The following ADAMTS12 variants were observed in gnomAD, a reference collection of about 807,000 sequenced individuals.
The protein encoded by ADAMTS12 is ADAM metallopeptidase with thrombospondin type 1 motif 12.
A neutral mutation model predicts 167.8 loss-of-function variants in ADAMTS12; 118 were observed. The observed-to-expected ratio is 0.70, with a 90% confidence interval of 0.61 to 0.82. The LOEUF (loss-of-function observed/expected upper bound fraction) is 0.82, where lower values mean the gene tolerates loss of function less well. Ranked by LOEUF, ADAMTS12 falls within the 40% of genes least tolerant of loss-of-function variation. The pLI is 0.00. For missense variants in ADAMTS12, 1,916 were observed against 1,998.8 expected (o/e 0.96, Z 0.79); for synonymous variants, 704 against 716.9 (o/e 0.98, Z 0.29).
At chr5:33,540,003 C>T (rs1054144652) in intron 22 of ADAMTS12, among the ~76,000 whole-genome samples, 25 of 152,214 alleles carry the variant, frequency 1.6e-4, no homozygotes, top group African/African-American at 3.1e-4. Context: ...CAGGGCGGGG[C>T]GTCGCTTCAC....
At chr5:33,708,681 C>G (rs1233507957) in intron 3 of ADAMTS12, among the ~76,000 whole-genome samples, 2 of 152,246 alleles carry the variant, frequency 1.3e-5, no homozygotes, top group East Asian at 3.9e-4. Flanking sequence ...TCATTCTCAG[C>G]AAACTAACAC....
At chr5:33,868,326 G>A (rs113089660) in intron 2 of ADAMTS12, among the ~76,000 whole-genome samples, 1 of 152,200 alleles carries the variant, frequency 6.6e-6, no homozygotes, top group African/African-American at 2.4e-5. Context: ...AAAGGAAGAT[G>A]AGGAAAAGTT....
At chr5:33,853,203 G>C (rs1349528097) in intron 2 of ADAMTS12, among the ~76,000 whole-genome samples, 1 of 152,080 alleles carries the variant, frequency 6.6e-6, no homozygotes, top group African/African-American at 2.4e-5. Context: ...TAACATCAAG[G>C]TCTCTTCATT....
At chr5:33,641,986 A>T in intron 10 of ADAMTS12, 31 bp from the exon 11 acceptor site, 3 of 1,583,638 alleles carry the variant, frequency 1.9e-6, no homozygotes, top group Non-Finnish European at 2.6e-6. Flanking sequence ...AGATGGCCGT[A>T]TCAGGAAGGT....
intron 1 of ADAMTS12, among the ~76,000 whole-genome samples, chr5:33,887,313 C>T (rs1364623532): frequency 3.3e-5 from 5 of 152,094 alleles, no homozygotes; most frequent in Non-Finnish European, 5.9e-5. Flanking sequence ...CTTCCATCTC[C>T]GTAAAGTGAC....
intron 2 of ADAMTS12, among the ~76,000 whole-genome samples, chr5:33,871,916 G>GTTC (rs143309710): frequency 0.03 from 4,514 of 151,968 alleles, 180 homozygotes; most frequent in East Asian, 0.2. Context: ...AAGAATAAAG[G>GTTC]AATATTATGA....
At chr5:33,832,953 A>C (rs1393244858) in intron 2 of ADAMTS12, among the ~76,000 whole-genome samples, 2 of 147,062 alleles carry the variant, frequency 1.4e-5, no homozygotes, top group Non-Finnish European at 3.0e-5. Context: ...TTAACTTTTT[A>C]AATTCAGTCA....
In ADAMTS12 at chr5:33,588,861, T is replaced by G; in HGVS notation, c.2655-52A>C. Reference sequence around the variant, plus strand: ...GAAGATCGCCAACTTACGCATATGTTCCATTCAACCACTGAGAAAGCAGGG... The same window carrying G: ...GAAGATCGCCAACTTACGCATATGTGCCATTCAACCACTGAGAAAGCAGGG... On this transcript the variant is annotated intron_variant, in intron 17 of 23. Transcript: ENST00000504830. 5 of 1,594,700 alleles carry G rather than the reference T, an allele frequency of 3.1e-6. No homozygotes were observed. In the South Asian group the frequency reaches 5.6e-5, roughly 18 times the overall value.
intron 18 of ADAMTS12, among the ~76,000 whole-genome samples, chr5:33,587,245 A>C (rs1443094334): frequency 6.6e-6 from 1 of 151,944 alleles, no homozygotes; most frequent in Non-Finnish European, 1.5e-5. Context: ...AAATTTTAGA[A>C]TTTTTCTTTC....
chr5:33,815,297 T>C (rs1325978110), intron 2 of ADAMTS12, among the ~76,000 whole-genome samples: 1 of 152,154 alleles, frequency 6.6e-6, no homozygotes. Context: ...TGTGATGGTA[T>C]GTGGAGGCCG....
rs142571774 is a variant in ADAMTS12 at position 33,779,445 on chromosome 5, C to G, written c.490-27897G>C. On this transcript the variant is annotated intron_variant, in intron 2 of 23. Coordinates refer to ENST00000504830, the MANE Select transcript of ADAMTS12 (RefSeq NM_030955.4). Reference sequence around the variant, plus strand: ...AAGTGATCCACCCACCTTGGCCTCCCAAAGTGCTGGGATTACAGGCATGAG... The same window carrying G: ...AAGTGATCCACCCACCTTGGCCTCCGAAAGTGCTGGGATTACAGGCATGAG... 7.9e-3 allele frequency among the ~76,000 whole-genome samples: 1,197 copies of G among 152,234 alleles called. 17 individuals carry two copies. The highest frequency in any genetic ancestry group is 0.028 in the African/African-American group (1,147 of 41,528).
chr5:33,671,224 T>C (rs1387823331), intron 5 of ADAMTS12, among the ~76,000 whole-genome samples: 1 of 152,194 alleles, frequency 6.6e-6, no homozygotes, highest in Non-Finnish European at 1.5e-5. Flanking sequence ...GTGAGGGAAC[T>C]GTTCTAATGT....
chr5:33,612,392 C>T (rs1236877768), intron 16 of ADAMTS12, among the ~76,000 whole-genome samples: 2 of 152,136 alleles, frequency 1.3e-5, no homozygotes, highest in African/African-American at 4.8e-5. Flanking sequence ...CACACATCAG[C>T]CACTTATCTC....
chr5:33,661,487 C>A (rs1178865219), intron 6 of ADAMTS12, among the ~76,000 whole-genome samples: 1 of 152,144 alleles, frequency 6.6e-6, no homozygotes, highest in African/African-American at 2.4e-5. Context: ...AAAAGGTGTA[C>A]AGATTTCTGT....
At chr5:33,645,457 C>T (rs1184631056) in intron 9 of ADAMTS12, among the ~76,000 whole-genome samples, 1 of 152,088 alleles carries the variant, frequency 6.6e-6, no homozygotes, top group Non-Finnish European at 1.5e-5. Context: ...AAATCCTGGC[C>T]CTGGTCAAGG....
chr5:33,579,021 G>A (rs256650), intron 18 of ADAMTS12, among the ~76,000 whole-genome samples: 31,071 of 152,166 alleles, frequency 0.2, 3,295 homozygotes, highest in Non-Finnish European at 0.24. Flanking sequence ...AACTGCAAGT[G>A]TCAGAGCCCA....
At chr5:33,587,277 G>A (rs1179904577) in intron 18 of ADAMTS12, among the ~76,000 whole-genome samples, 3 of 152,078 alleles carry the variant, frequency 2.0e-5, no homozygotes, top group Admixed American at 6.5e-5. Context: ...AAAGCAATCT[G>A]TCACATATTT....
chr5:33,608,285 C>T (rs1343318140), intron 16 of ADAMTS12, among the ~76,000 whole-genome samples: 4 of 152,132 alleles, frequency 2.6e-5, no homozygotes, highest in Non-Finnish European at 5.9e-5. Context: ...AAGACGTGCA[C>T]ACAAATATTA....
At chr5:33,877,632 GA>G (rs1481508390) in intron 2 of ADAMTS12, among the ~76,000 whole-genome samples, 2 of 152,188 alleles carry the variant, frequency 1.3e-5, no homozygotes, top group African/African-American at 2.4e-5. Flanking sequence ...GAAGGGTAGT[GA>G]AAACGGTGGA....
Sources: gnomAD v4.1 joint callset for allele counts (sites outside exome capture counted in the v4.1 genomes callset) on GRCh38, gnomAD v4.1.1 for gene constraint, MANE v1.5 for transcripts, NCBI Gene and HGNC (gene_info 2026-07-23, HGNC 2026-07-21) for gene names.